The following ATP11A variants were observed in gnomAD, a reference collection of about 807,000 sequenced individuals.
ATP11A encodes phospholipid-transporting ATPase IH.
Under a neutral mutation model 154.4 loss-of-function variants are expected in ATP11A, and 81 were observed. That is an observed-to-expected ratio of 0.52 (90% CI 0.44 to 0.63). ATP11A has a LOEUF of 0.63. Among genes scored for constraint, ATP11A ranks in the 30% least tolerant of loss-of-function variants. ATP11A has a pLI of 0.00. For missense variants in ATP11A, 1,316 were observed against 1,474.3 expected (o/e 0.89, Z 1.76); for synonymous variants, 623 against 585.9 (o/e 1.06, Z -0.91).
chr13:112,826,195 C>T (rs1660996513), intron 11 of ATP11A, among the ~76,000 whole-genome samples: 1 of 152,174 alleles, frequency 6.6e-6, no homozygotes, highest in Admixed American at 6.5e-5. Context: ...ACCTGTGTCC[C>T]CTCCGTCCAG....
intron 14 of ATP11A, among the ~76,000 whole-genome samples, chr13:112,833,457 G>A (rs1224446047): frequency 6.6e-6 from 1 of 152,142 alleles, no homozygotes; most frequent in Non-Finnish European, 1.5e-5. Context: ...ACCTCTCACC[G>A]CCCACCCTTT....
At chr13:112,711,437 TCTC>T (rs1887738235) in intron 1 of ATP11A, among the ~76,000 whole-genome samples, 2 of 151,796 alleles carry the variant, frequency 1.3e-5, no homozygotes, top group Non-Finnish European at 2.9e-5. Context: ...CAAGACCCTG[TCTC>T]TGATACATAC....
intron 1 of ATP11A, among the ~76,000 whole-genome samples, chr13:112,726,364 G>A (rs1889892126): frequency 2.0e-5 from 3 of 152,044 alleles, no homozygotes; most frequent in Admixed American, 2.0e-4. Context: ...CAGGGAGAGG[G>A]GCTGTGGGGA....
At chr13:112,881,418 C>A in intron 29 of ATP11A, 1 of 1,043,000 alleles carries the variant, frequency 9.6e-7, no homozygotes, top group Non-Finnish European at 1.2e-6. Context: ...AGTGAGTTCG[C>A]CTTTTGTTCA....
Position 112,835,052 on chromosome 13 carries a change from G to A in ATP11A, c.1631+392G>A, listed in dbSNP as rs958899840. On this transcript the variant is annotated intron_variant, in intron 15 of 29. Coordinates refer to ENST00000375645, the MANE Select transcript of ATP11A (RefSeq NM_015205.3). ...GCAGCTGCCCCCGGTGTGGCCATGAGTCCCGCAGGGAGGAACCCTGGCTCA... is the reference window on the plus strand; with the variant it reads ...GCAGCTGCCCCCGGTGTGGCCATGAATCCCGCAGGGAGGAACCCTGGCTCA... Among the ~76,000 whole-genome samples, 5 of 152,280 alleles carry A rather than the reference G, an allele frequency of 3.3e-5. No homozygotes were observed. In the East Asian group the frequency reaches 9.6e-4, roughly 29 times the overall value.
Position 112,807,991 on chromosome 13 carries a change from G to C in ATP11A, c.333+1698G>C, listed in dbSNP as rs146333244. Among the ~76,000 whole-genome samples the C allele has an allele frequency of 2.6e-5, 4 of 152,134 alleles. No homozygotes were observed. The highest frequency in any genetic ancestry group is 6.5e-5 in the Admixed American group (1 of 15,286). On this transcript the variant is annotated intron_variant, in intron 4 of 29. Transcript: ENST00000375645. This position sits in a 1 kb window ranked among gnomAD's most constrained non-coding sequence, Gnocchi z 4.5. ...ATCCCTCCCGGGACTCTACTGAGCA[G>C]GAAACTCCTGAGATCTCCAGGAGTG...
At position 112,875,249 on chromosome 13, in the gene ATP11A, G is replaced by A. The variant is rs557601127; in HGVS notation, c.3162-527G>A. 2.0e-5 allele frequency among the ~76,000 whole-genome samples: 3 copies of A among 152,316 alleles called. No individual in the cohort carries two copies. The highest frequency in any genetic ancestry group is 2.9e-5 in the Non-Finnish European group (2 of 68,036). The stretch of plus-strand genomic sequence containing the variant: ...GGGATGTGAAAGGCGATCAGGAAAC[G>A]TTACCGGAAGGCACGTATAGACGTG... On this transcript the variant is annotated intron_variant, in intron 27 of 29. Transcript: ENST00000375645. The surrounding 1 kb of genome is among the most constrained non-coding windows in gnomAD (Gnocchi z 4.1).
intron 1 of ATP11A, among the ~76,000 whole-genome samples, chr13:112,711,102 C>T (rs1887692073): frequency 6.6e-6 from 1 of 152,144 alleles, no homozygotes; most frequent in African/African-American, 2.4e-5. Flanking sequence ...GGCAGGATCC[C>T]AGGGGACCCG....
chr13:112,814,601 A>G (rs34757391), intron 5 of ATP11A, among the ~76,000 whole-genome samples: 8,974 of 152,230 alleles, frequency 0.059, 366 homozygotes, highest in Middle Eastern at 0.13. Context: ...CCCCTGCACC[A>G]GGGGATGGCT....
At chr13:112,828,130 A>AGTGTTAAGTAGGAGGGAAAGT (rs2078984043) in intron 12 of ATP11A, among the ~76,000 whole-genome samples, 3 of 97,092 alleles carry the variant, frequency 3.1e-5, no homozygotes, top group African/African-American at 1.2e-4. Context: ...AGCGCCCAGC[A>AGTGTTAAGTAGGAGGGAAAGT]GCGTTGAGTA....
chr13:112,816,308 G>C, intron 6 of ATP11A, 97 bp downstream of exon 6: 1 of 1,521,014 alleles, frequency 6.6e-7, no homozygotes, highest in Non-Finnish European at 8.9e-7. Context: ...TGTTTGAAAA[G>C]TCACCGTTTT....
In ATP11A at chr13:112,697,865, C is replaced by T. The variant is rs564558509; in HGVS notation, c.39+7410C>T. On this transcript the variant is annotated intron_variant, in intron 1 of 29. Transcript: ENST00000375645. This position sits in a 1 kb window ranked among gnomAD's most constrained non-coding sequence, Gnocchi z 4.0. Reference sequence around the variant, plus strand: ...CTGGGATTGCAGGTATGTGCCACCACGCCCAGCCCTGAAACTACTTTCATT... The same window carrying T: ...CTGGGATTGCAGGTATGTGCCACCATGCCCAGCCCTGAAACTACTTTCATT... Among the ~76,000 whole-genome samples, 4 of 152,226 alleles carry T rather than the reference C, an allele frequency of 2.6e-5. No homozygotes were observed. The South Asian group carries it at 8.3e-4, about 32-fold the overall frequency.
In ATP11A at chr13:112,813,421, C is replaced by G. The variant is rs1321124965; in HGVS notation, c.442-2662C>G. On this transcript the variant is annotated intron_variant, in intron 5 of 29. Transcript: ENST00000375645. ...CAGGCAGTCTAATTCCCTCGGGATT[C>G]ACGAAGTCTGTGCACCAGCCATTCC... 2.0e-5 allele frequency among the ~76,000 whole-genome samples: 3 copies of G among 152,158 alleles called. No homozygotes were observed. The East Asian group carries it at 5.8e-4, about 29-fold the overall frequency.
At chr13:112,698,877 A>C (rs1389699831) in intron 1 of ATP11A, among the ~76,000 whole-genome samples, 1 of 151,864 alleles carries the variant, frequency 6.6e-6, no homozygotes, top group Non-Finnish European at 1.5e-5. Flanking sequence ...GCCTGCCACC[A>C]CGCCTGTCTC....
chr13:112,858,570 G>A (rs192840716), intron 22 of ATP11A: 40 of 299,856 alleles, frequency 1.3e-4, no homozygotes, highest in African/African-American at 5.8e-4. Flanking sequence ...ATGCCATTCC[G>A]AGCAGCGTGA....
At chr13:112,863,857 G>T in intron 25 of ATP11A, among the ~76,000 whole-genome samples, 1 of 30,520 alleles carries the variant, frequency 3.3e-5, no homozygotes, top group East Asian at 1.1e-3. Flanking sequence ...AATTCAGTGC[G>T]GCCCATGCAG....
At chr13:112,872,888 A>G (rs61961593) in intron 26 of ATP11A, among the ~76,000 whole-genome samples, 8 of 92,678 alleles carry the variant, frequency 8.6e-5, no homozygotes, top group East Asian at 2.6e-4. Flanking sequence ...TGTCTCCCGA[A>G]CGGTGTGAGG....
At chr13:112,863,734 G>GC (rs2080211685) in intron 25 of ATP11A, among the ~76,000 whole-genome samples, 19 of 55,668 alleles carry the variant, frequency 3.4e-4, no homozygotes, top group Admixed American at 4.9e-4. Context: ...CACCACCTGC[G>GC]CAGTAATTCA....
chr13:112,813,314 C>T (rs1378150116), intron 5 of ATP11A, among the ~76,000 whole-genome samples: 2 of 152,178 alleles, frequency 1.3e-5, no homozygotes, highest in African/African-American at 2.4e-5. Context: ...GGATGTGCTG[C>T]CCAGCTCTAA....
Sources: allele counts gnomAD v4.1 joint callset (sites outside exome capture counted in the v4.1 genomes callset), GRCh38; gene constraint gnomAD v4.1.1; non-coding constraint Gnocchi (gnomAD v3.1); transcripts MANE v1.5; gene names NCBI Gene and HGNC (gene_info 2026-07-23, HGNC 2026-07-21).